Variants in SLIT3 observed in about 807,000 individuals in gnomAD.
The protein encoded by SLIT3 is slit homolog 3 protein.
A neutral mutation model predicts 184.0 loss-of-function variants in SLIT3; 68 were observed. That is an observed-to-expected ratio of 0.37 (90% confidence interval 0.30 to 0.45). The LOEUF (loss-of-function observed/expected upper bound fraction) is 0.45, where lower values mean the gene tolerates loss of function less well. Ranked by LOEUF, SLIT3 falls within the 20% of genes least tolerant of loss-of-function variation. The probability of loss-of-function intolerance (pLI) is 1.00; values close to 1 mark genes in which losing one functional copy is unlikely to be tolerated. For synonymous variants in SLIT3, 831 were observed against 828.6 expected, an observed-to-expected ratio of 1.00 and a Z score of -0.05; for missense variants, 1,707 against 2,026.0, an observed-to-expected ratio of 0.84 and a Z score of 3.02.
chr5:169,247,803 C>T (rs191774796), intron 2 of SLIT3, among the ~76,000 whole-genome samples: 15 of 152,200 alleles, frequency 9.9e-5, no homozygotes, highest in East Asian at 5.8e-4. Context: ...CAGGGTTTTA[C>T]GATGTTGCCC....
intron 6 of SLIT3, among the ~76,000 whole-genome samples, chr5:168,841,727 A>G (rs1009061825): frequency 6.6e-6 from 1 of 152,218 alleles, no homozygotes; most frequent in African/African-American, 2.4e-5. Flanking sequence ...GGGATGGAAT[A>G]ACAGGGTTAT....
intron 4 of SLIT3, among the ~76,000 whole-genome samples, chr5:169,154,377 C>T (rs1254668256): frequency 6.6e-6 from 1 of 152,224 alleles, no homozygotes; most frequent in Non-Finnish European, 1.5e-5. Flanking sequence ...CTTGGCCATA[C>T]CCTGCACTTC....
At chr5:169,065,683 G>A (rs1758329288) in intron 4 of SLIT3, among the ~76,000 whole-genome samples, 2 of 152,214 alleles carry the variant, frequency 1.3e-5, no homozygotes, top group Non-Finnish European at 2.9e-5. Context: ...CCATGCCACT[G>A]TGGGGCAACG....
At chr5:169,155,819 A>G (rs575634846) in intron 4 of SLIT3, among the ~76,000 whole-genome samples, 1 of 152,328 alleles carries the variant, frequency 6.6e-6, no homozygotes, top group Admixed American at 6.5e-5. Flanking sequence ...TTGCCTGTGC[A>G]CCCTGGTTAG....
chr5:169,196,408 C>T (rs1561731388), intron 3 of SLIT3, among the ~76,000 whole-genome samples: 1 of 152,174 alleles, frequency 6.6e-6, no homozygotes, highest in Non-Finnish European at 1.5e-5. Flanking sequence ...AAATGGGTTA[C>T]AGTGAGTCTT....
At chr5:168,801,876 C>T (rs1320127171) in intron 9 of SLIT3, among the ~76,000 whole-genome samples, 1 of 152,174 alleles carries the variant, frequency 6.6e-6, no homozygotes, top group Non-Finnish European at 1.5e-5. Flanking sequence ...GACACCAGCA[C>T]ACACTCCTCT....
At chr5:168,837,678 G>A (rs147159730) in intron 6 of SLIT3, among the ~76,000 whole-genome samples, 84 of 152,280 alleles carry the variant, frequency 5.5e-4, no homozygotes, top group Middle Eastern at 3.4e-3. Context: ...CACTTAGTAC[G>A]TGCCAGGAGT....
intron 25 of SLIT3, chr5:168,708,328 A>G: frequency 1.7e-6 from 1 of 591,354 alleles, no homozygotes; most frequent in Non-Finnish European, 3.0e-6. Flanking sequence ...ATTCAGAAAC[A>G]CTTCTGCAGT....
chr5:168,769,325 T>G, intron 14 of SLIT3, among the ~76,000 whole-genome samples: 1 of 152,196 alleles, frequency 6.6e-6, no homozygotes. Flanking sequence ...ATGTGCATCT[T>G]GAAGAAACTG....
intron 4 of SLIT3, among the ~76,000 whole-genome samples, chr5:169,124,376 G>C (rs910495584): frequency 2.0e-5 from 3 of 152,198 alleles, no homozygotes; most frequent in African/African-American, 7.2e-5. Flanking sequence ...AGCAAATCCA[G>C]TATCACTGTG....
chr5:168,874,255 A>G (rs777882312), intron 5 of SLIT3, among the ~76,000 whole-genome samples: 11 of 152,200 alleles, frequency 7.2e-5, no homozygotes, highest in Non-Finnish European at 2.9e-5. Context: ...TTATCCTGAA[A>G]AAACATCAGT....
intron 5 of SLIT3, among the ~76,000 whole-genome samples, chr5:168,849,709 T>C: frequency 6.6e-6 from 1 of 152,242 alleles, no homozygotes; most frequent in East Asian, 1.9e-4. Flanking sequence ...TTTAAGGGAA[T>C]TTAAACACCT....
chr5:169,086,709 G>A, intron 4 of SLIT3, among the ~76,000 whole-genome samples: 1 of 152,172 alleles, frequency 6.6e-6, no homozygotes, highest in Admixed American at 6.5e-5. Context: ...AAGCAGTTTG[G>A]TAACGTGGGT....
intron 26 of SLIT3, among the ~76,000 whole-genome samples, chr5:168,701,156 G>T (rs1193309150): frequency 6.6e-6 from 1 of 152,198 alleles, no homozygotes; most frequent in Non-Finnish European, 1.5e-5. Flanking sequence ...GTAAGGAAAA[G>T]GTTACACGTG....
intron 4 of SLIT3, among the ~76,000 whole-genome samples, chr5:168,988,256 T>A (rs1410206867): frequency 6.6e-6 from 1 of 152,258 alleles, no homozygotes; most frequent in Non-Finnish European, 1.5e-5. Context: ...CTCTAGGGCA[T>A]CTCTGCTACA....
chr5:168,883,364 C>T (rs891206175), intron 4 of SLIT3, 28 bp from the exon 5 acceptor site: 4 of 1,538,934 alleles, frequency 2.6e-6, no homozygotes, highest in Non-Finnish European at 3.6e-6. Flanking sequence ...AGGCACACTG[C>T]ATTAAAGACC....
At chr5:169,183,011 G>T (rs1379833749) in intron 4 of SLIT3, among the ~76,000 whole-genome samples, 2 of 152,206 alleles carry the variant, frequency 1.3e-5, no homozygotes, top group Non-Finnish European at 1.5e-5. Context: ...CCACAGGTGG[G>T]TCCCAGCCAA....
intron 4 of SLIT3, among the ~76,000 whole-genome samples, chr5:169,027,991 G>A (rs74633830): frequency 0.018 from 2,676 of 152,208 alleles, 86 homozygotes; most frequent in African/African-American, 0.06. Context: ...TCACATTACT[G>A]ACCTGCTGGA....
intron 5 of SLIT3, among the ~76,000 whole-genome samples, chr5:168,853,171 G>T (rs1758735733): frequency 6.6e-6 from 1 of 152,152 alleles, no homozygotes; most frequent in South Asian, 2.1e-4. Context: ...CAGCAGTTCA[G>T]ACTCACATGC....
Sources: gnomAD v4.1 joint callset for allele counts (sites outside exome capture counted in the v4.1 genomes callset) on GRCh38, gnomAD v4.1.1 for gene constraint, MANE v1.5 for transcripts, NCBI Gene and HGNC (gene_info 2026-07-23, HGNC 2026-07-21) for gene names.